ADH1C: variants seen among roughly 807,000 people sequenced by gnomAD.
ADH1C encodes the protein alcohol dehydrogenase 1C (class I), gamma polypeptide.
ADH1C carries 26 observed loss-of-function variants against 35.0 expected under a neutral mutation model. The ratio of observed to expected loss-of-function variants is 0.74; its 90% CI spans 0.54 to 1.03. The LOEUF (loss-of-function observed/expected upper bound fraction) is 1.03. Ranked by LOEUF, ADH1C falls within the 50% of genes least tolerant of loss-of-function variation. ADH1C has a pLI of 0.00. For synonymous variants in ADH1C, 170 were observed against 169.3 expected (o/e 1.00, Z -0.03); for missense variants, 413 against 465.4 (o/e 0.89, Z 1.04).
intron 1 of ADH1C, among the ~76,000 whole-genome samples, chr4:99,351,304 A>G (rs1734673681): frequency 6.6e-6 from 1 of 152,302 alleles, no homozygotes; most frequent in African/African-American, 2.4e-5. Flanking sequence ...TAATTTACTG[A>G]ATTCTCACAA....
At chr4:99,342,720 T>C in intron 6 of ADH1C, 75 bp downstream of exon 6, 1 of 1,585,988 alleles carries the variant, frequency 6.3e-7, no homozygotes, top group Non-Finnish European at 8.6e-7. Context: ...TTATACATAA[T>C]ACGTATATTC....
chr4:99,342,616 C>T (rs2110656463), intron 6 of ADH1C, among the ~76,000 whole-genome samples, 179 bp downstream of exon 6: 1 of 152,222 alleles, frequency 6.6e-6, no homozygotes, highest in South Asian at 2.1e-4. Flanking sequence ...GTTTGCTTAG[C>T]TGATTGAATG....
intron 5 of ADH1C, 128 bp downstream of exon 5, chr4:99,344,734 C>T: frequency 8.3e-7 from 1 of 1,210,614 alleles, no homozygotes; most frequent in Non-Finnish European, 1.2e-6. Context: ...CTTTCTGGGT[C>T]ATTTTTCTAC....
At chr4:99,340,537 G>T (rs371823161) in intron 7 of ADH1C, 38 bp downstream of exon 7, 27 of 1,609,782 alleles carry the variant, frequency 1.7e-5, no homozygotes, top group Non-Finnish European at 2.2e-5. Flanking sequence ...GAAATTCTTA[G>T]GTTAATGAGA....
At position 99,342,851 on chromosome 4, in the gene ADH1C, T is replaced by C; in HGVS notation, c.772A>G (p.Met258Val). Residue 258 changes from methionine (M) to valine (V), a missense_variant, in exon 6 of 9, where the codon ATG (methionine) becomes GTG (valine). Transcript: ENST00000515683. ...GAAAAATCCACACCTCCATCAGTCATTTCCTTTAGCACTTCCTGAATGGGT... is the reference window on the plus strand; with the variant it reads ...GAAAAATCCACACCTCCATCAGTCACTTCCTTTAGCACTTCCTGAATGGGT... ...KKPIQEVLKE[M>V]TDGGVDFSFE... The C allele has an allele frequency of 6.2e-7, 1 of 1,614,030 alleles. No homozygotes were observed.
chr4:99,340,096 C>G (rs1734377457), intron 7 of ADH1C, among the ~76,000 whole-genome samples: 1 of 152,138 alleles, frequency 6.6e-6, no homozygotes, highest in African/African-American at 2.4e-5. Context: ...GATGAAAGTC[C>G]TGGTTAATAG....
rs1419431885 is a variant in ADH1C, at chr4:99,339,694, A to G, written c.986T>C (p.Val329Ala). The part of the protein sequence containing the change: ...IFGGFKSKES[V>A]PKLVADFMAK... ...CATAAAGTCAGCCACAAGTTTGGGG[A>G]CAGATTCTTTACTCTTAAAGCCTGA... Residue 329 changes from valine to alanine, a missense_variant, in exon 8 of 9, where the codon GTC becomes GCC. Physicochemically the swap from Val to Ala is moderately conservative, Grantham distance 64. Coordinates refer to ENST00000515683, the MANE Select transcript of ADH1C (RefSeq NM_000669.5). The G allele has an allele frequency of 2.5e-6, 4 of 1,612,190 alleles. No homozygotes were observed. The highest frequency in any genetic ancestry group is 1.7e-5 in the Admixed American group (1 of 59,646).
In ADH1C at chr4:99,336,600, C is replaced by T. The variant is rs1734282025; in HGVS notation, c.*152G>A. On this transcript the variant is annotated 3_prime_UTR_variant, in exon 9 of 9. Transcript: ENST00000515683. ...AACATTTGCTTGACAAATAATTTCCCATCAATTTCCATTTCTTTGGAAAGC... is the reference window on the plus strand; with the variant it reads ...AACATTTGCTTGACAAATAATTTCCTATCAATTTCCATTTCTTTGGAAAGC... 3.2e-6 allele frequency: 3 copies of T among 927,942 alleles called. No individual in the cohort carries two copies. The highest frequency in any genetic ancestry group is 1.7e-5 in the African/African-American group (1 of 59,230). 57.5% of individuals were successfully genotyped at this position (927,942 alleles called of 1,614,324 possible). A position where few individuals can be genotyped will look rare whatever the true frequency, so the allele number is the denominator to read the frequency against.
chr4:99,352,038 G>A (rs1013889925), intron 1 of ADH1C, among the ~76,000 whole-genome samples: 1 of 152,154 alleles, frequency 6.6e-6, no homozygotes, highest in Non-Finnish European at 1.5e-5. Flanking sequence ...TGTGGAAATT[G>A]CCTGAATTGT....
intron 8 of ADH1C, among the ~76,000 whole-genome samples, chr4:99,338,393 T>TTTTTTATATATATATATA (rs1334509876): frequency 1.4e-5 from 1 of 73,090 alleles, no homozygotes; most frequent in Non-Finnish European, 2.7e-5. Context: ...GAATACTGTT[T>TTTTTTATATATATATATA]TCTATATATA....
At chr4:99,343,948 T>G (rs1367528871) in intron 5 of ADH1C, among the ~76,000 whole-genome samples, 3 of 152,236 alleles carry the variant, frequency 2.0e-5, no homozygotes, top group Non-Finnish European at 4.4e-5. Context: ...GGTGTCTATT[T>G]CACTCATTCA....
At chr4:99,348,484 C>T (rs1579534997) in intron 1 of ADH1C, among the ~76,000 whole-genome samples, 1 of 150,994 alleles carries the variant, frequency 6.6e-6, no homozygotes, top group South Asian at 2.1e-4. Flanking sequence ...GCATAGTATT[C>T]CATGGTGTAT....
At chr4:99,345,344 T>C (rs1201931163) in intron 3 of ADH1C, 78 bp from the exon 4 acceptor site, 1 of 1,353,256 alleles carries the variant, frequency 7.4e-7, no homozygotes, top group Non-Finnish European at 1.0e-6. Context: ...CTCACATGTA[T>C]AGATTAGAAT....
At chr4:99,337,101 T>A (rs776090874) in intron 8 of ADH1C, among the ~76,000 whole-genome samples, 1 of 152,220 alleles carries the variant, frequency 6.6e-6, no homozygotes, top group Non-Finnish European at 1.5e-5. Flanking sequence ...AAAATAACAA[T>A]AGATAATAAC....
intron 5 of ADH1C, among the ~76,000 whole-genome samples, chr4:99,344,313 G>C (rs1408126745): frequency 2.0e-5 from 3 of 152,148 alleles, no homozygotes; most frequent in South Asian, 2.1e-4. Flanking sequence ...GCAGTGAAAT[G>C]TCATAATGAG....
chr4:99,344,714 G>T, intron 5 of ADH1C, 148 bp downstream of exon 5: 1 of 968,944 alleles, frequency 1.0e-6, no homozygotes, highest in Non-Finnish European at 1.5e-6. Flanking sequence ...TCTAGCCTGT[G>T]CTCTCAGTTC....
intron 5 of ADH1C, among the ~76,000 whole-genome samples, chr4:99,343,687 A>G (rs1560537409): frequency 6.6e-6 from 1 of 152,234 alleles, no homozygotes; most frequent in Non-Finnish European, 1.5e-5. Context: ...TTAATAATAA[A>G]TAAAATCTGT....
At position 99,348,283 on chromosome 4, in the gene ADH1C, C is replaced by G. The variant is rs748008434; in HGVS notation, c.19-437G>C. Among the ~76,000 whole-genome samples, 372 of 123,690 alleles carry G rather than the reference C, an allele frequency of 3.0e-3. 1 individual carries two copies. Among genetic ancestry groups the G allele is most frequent in the Non-Finnish European group, 4.4e-3 (266 of 60,522 alleles). The allele number at this position is 123,690 out of a possible 152,430, so 81.1% of individuals were successfully genotyped here. On this transcript the variant is annotated intron_variant, in intron 1 of 8. Transcript: ENST00000515683. ...CAATGCTATCCCTCCCCCCTCCCCC[C>G]ACCCCACAATAGTCCCCAGAGTGTG...
chr4:99,347,244 T>C (rs1734557922), intron 2 of ADH1C, 100 bp from the exon 3 acceptor site: 1 of 1,440,604 alleles, frequency 6.9e-7, no homozygotes, highest in Admixed American at 2.3e-5. Context: ...AAAAATATTC[T>C]CAAGGGTTTT....
Sources: gnomAD v4.1 joint callset for allele counts (sites outside exome capture counted in the v4.1 genomes callset) on GRCh38, gnomAD v4.1.1 for gene constraint, MANE v1.5 for transcripts, NCBI Gene and HGNC (gene_info 2026-07-23, HGNC 2026-07-21) for gene names.